CAMSAP1: variants seen among roughly 807,000 people sequenced by gnomAD.
The protein encoded by CAMSAP1 is calmodulin-regulated spectrin-associated protein 1.
Under a neutral mutation model 143.5 loss-of-function variants are expected in CAMSAP1, and 58 were observed. The ratio of observed to expected loss-of-function variants is 0.40; its 90% CI spans 0.33 to 0.50. The LOEUF (loss-of-function observed/expected upper bound fraction) is 0.50. Among genes scored for constraint, CAMSAP1 ranks in the 20% least tolerant of loss-of-function variants. CAMSAP1 has a pLI of 0.45. For synonymous variants in CAMSAP1, 945 were observed against 859.3 expected (o/e 1.10, Z -1.74); for missense variants, 1,969 against 2,115.7 (o/e 0.93, Z 1.36).
intron 10 of CAMSAP1, 23 bp downstream of exon 10, chr9:135,823,927 A>T: frequency 6.4e-7 from 1 of 1,552,788 alleles, no homozygotes; most frequent in South Asian, 1.2e-5. Flanking sequence ...CCAAACAGAA[A>T]CACTGCTGAA....
chr9:135,836,774 T>A (rs956563893), intron 7 of CAMSAP1: 2 of 982,728 alleles, frequency 2.0e-6, no homozygotes, highest in African/African-American at 3.6e-5. Flanking sequence ...TTCTACCCTG[T>A]TCTACAGACA....
chr9:135,819,118 G>T lies in CAMSAP1; in HGVS notation c.3851C>A (p.Ala1284Asp). 6.2e-7 allele frequency: 1 copy of T among 1,601,996 alleles called. No individual in the cohort carries two copies. Residue 1284 changes from alanine (A) to aspartate (D), a missense_variant, in exon 12 of 17, where the codon GCC (alanine) becomes GAC (aspartate). This residue lies in a region of CAMSAP1 where 1,390 missense variants were observed against 1,420.8 expected (regional missense o/e 0.98). Coordinates refer to ENST00000389532, the MANE Select transcript of CAMSAP1 (RefSeq NM_015447.4). The stretch of plus-strand genomic sequence containing the variant: ...CAGGAGGAAGGCCGCCCGCTTCTTG[G>T]CGAGCTCATCTTCCGCTTTCTGTTC... ...KDEQKAEDEL[A>D]KKRAAFLLKQ...
chr9:135,831,766 T>TTA (rs1835869303), intron 7 of CAMSAP1, among the ~76,000 whole-genome samples: 1 of 152,062 alleles, frequency 6.6e-6, no homozygotes, highest in South Asian at 2.1e-4. Flanking sequence ...AGAGGAGATA[T>TTA]TATAATAGAT....
In CAMSAP1 at chr9:135,811,056, C is replaced by G. The variant is rs1013155005; in HGVS notation, c.*253G>C. 3.8e-6 allele frequency: 2 copies of G among 528,926 alleles called. No homozygotes were observed. Among genetic ancestry groups the G allele is most frequent in the South Asian group, 2.1e-5 (1 of 46,564 alleles). The allele number at this position is 528,926 out of a possible 1,614,324, so 32.8% of individuals were successfully genotyped here. The stretch of plus-strand genomic sequence containing the variant: ...GTGGTCAGCAGTGGCCACAGCAGTG[C>G]GAGCCACTGCAAAAGCGGCATCTAC... On this transcript the variant is annotated 3_prime_UTR_variant, in exon 17 of 17. Coordinates refer to ENST00000389532, the MANE Select transcript of CAMSAP1 (RefSeq NM_015447.4). This position sits in a 1 kb window ranked among gnomAD's most constrained non-coding sequence, Gnocchi z 4.9.
intron 1 of CAMSAP1, among the ~76,000 whole-genome samples, chr9:135,883,289 T>C (rs750325068): frequency 6.6e-6 from 1 of 152,250 alleles, no homozygotes; most frequent in Non-Finnish European, 1.5e-5. Flanking sequence ...TACTGTCTTC[T>C]GTACTTACAA....
chr9:135,885,778 G>A (rs944048881), intron 1 of CAMSAP1, among the ~76,000 whole-genome samples: 2 of 152,288 alleles, frequency 1.3e-5, no homozygotes, highest in Non-Finnish European at 2.9e-5. Context: ...AGGAAAATGA[G>A]AGTTAAAGGA....
intron 7 of CAMSAP1, among the ~76,000 whole-genome samples, chr9:135,840,875 T>C (rs1836318103): frequency 6.6e-6 from 1 of 152,196 alleles, no homozygotes; most frequent in Non-Finnish European, 1.5e-5. Context: ...TTCCCTTCAG[T>C]GCTTACACCA....
chr9:135,820,357 C>T lies in CAMSAP1; in HGVS notation c.3822+482G>A, dbSNP rs1835399965. 6.6e-6 allele frequency among the ~76,000 whole-genome samples: 1 copy of T among 152,150 alleles called. No homozygotes were observed. Among genetic ancestry groups the T allele is most frequent in the African/African-American group, 2.4e-5 (1 of 41,422 alleles). On this transcript the variant is annotated intron_variant, in intron 11 of 16. Transcript: ENST00000389532. The surrounding 1 kb of genome is among the most constrained non-coding windows in gnomAD (Gnocchi z 4.4). ...TATTAAAACAGTTCAGTTTACGCTT[C>T]CCTTCATATCTAAGGAAAAAATTAC...
At chr9:135,850,542 C>A in intron 5 of CAMSAP1, 81 bp from the exon 6 acceptor site, 4 of 1,146,438 alleles carry the variant, frequency 3.5e-6, no homozygotes, top group South Asian at 1.6e-5. Flanking sequence ...AAATGAAAAC[C>A]ATTTTACATA....
intron 3 of CAMSAP1, among the ~76,000 whole-genome samples, chr9:135,877,749 T>TGCAGTGAGCC (rs1186245643): frequency 6.6e-6 from 1 of 152,038 alleles, no homozygotes; most frequent in Non-Finnish European, 1.5e-5. Context: ...GAGGTCAGGC[T>TGCAGTGAGCC]GCAGTGAGCC....
At chr9:135,860,267 A>G (rs1313702729) in intron 5 of CAMSAP1, among the ~76,000 whole-genome samples, 1 of 150,680 alleles carries the variant, frequency 6.6e-6, no homozygotes, top group Non-Finnish European at 1.5e-5. Flanking sequence ...AAGCATCCAG[A>G]ACTCAGCAGG....
chr9:135,886,666 T>C (rs1564458710), intron 1 of CAMSAP1, among the ~76,000 whole-genome samples: 1 of 151,870 alleles, frequency 6.6e-6, no homozygotes, highest in African/African-American at 2.4e-5. Flanking sequence ...CCACATCAAG[T>C]AAGGGGGTCA....
At position 135,818,275 on chromosome 9, in the gene CAMSAP1, T is replaced by C. The variant is rs1411618765; in HGVS notation, c.4168+133A>G. The C allele has an allele frequency of 6.2e-6, 7 of 1,132,316 alleles. No homozygotes were observed. The highest frequency in any genetic ancestry group is 3.1e-5 in the South Asian group (2 of 64,738). 70.1% of individuals were successfully genotyped at this position (1,132,316 alleles called of 1,614,324 possible). ...CATCTGGTCTCAACATTGTCATCCA[T>C]GAAACGGGGATAATCATCTCCACCC... On this transcript the variant is annotated intron_variant, in intron 13 of 16. Coordinates refer to ENST00000389532, the MANE Select transcript of CAMSAP1 (RefSeq NM_015447.4). This position sits in a 1 kb window ranked among gnomAD's most constrained non-coding sequence, Gnocchi z 7.7.
At chr9:135,816,833 G>A (rs1051508794) in intron 14 of CAMSAP1, among the ~76,000 whole-genome samples, 12 of 152,186 alleles carry the variant, frequency 7.9e-5, no homozygotes, top group Non-Finnish European at 1.6e-4. Context: ...TGGAGGAAGC[G>A]GTGAGCAGGA....
chr9:135,861,956 C>CGT (rs1837210607), intron 5 of CAMSAP1, among the ~76,000 whole-genome samples: 1 of 152,218 alleles, frequency 6.6e-6, no homozygotes, highest in African/African-American at 2.4e-5. Context: ...CAACACGAAG[C>CGT]GTGTGGCAGT....
intron 4 of CAMSAP1, 178 bp downstream of exon 4, chr9:135,866,278 C>T (rs1317387836): frequency 1.8e-5 from 10 of 559,658 alleles, no homozygotes; most frequent in Non-Finnish European, 2.6e-5. Flanking sequence ...GGCAGGCTGC[C>T]GTGGTCACAT....
chr9:135,865,273 C>G (rs1837334795), intron 4 of CAMSAP1: 2 of 1,521,208 alleles, frequency 1.3e-6, no homozygotes, highest in African/African-American at 1.4e-5. Flanking sequence ...TTAATGGAAG[C>G]AAGTGATCGC....
At chr9:135,816,142 G>T (rs992706148) in intron 14 of CAMSAP1, 137 bp from the exon 15 acceptor site, 30 of 701,762 alleles carry the variant, frequency 4.3e-5, no homozygotes, top group Non-Finnish European at 7.0e-5. Context: ...GTGGGGGCTC[G>T]AGTTGCCACA....
intron 7 of CAMSAP1, among the ~76,000 whole-genome samples, chr9:135,833,320 A>G (rs1835915357): frequency 6.6e-6 from 1 of 152,096 alleles, no homozygotes; most frequent in African/African-American, 2.4e-5. Flanking sequence ...TGACCTCGTG[A>G]TCCGCCCGCC....
Sources: allele counts gnomAD v4.1 joint callset (sites outside exome capture counted in the v4.1 genomes callset), GRCh38; gene constraint gnomAD v4.1.1; regional missense constraint gnomAD v4.1.1; non-coding constraint Gnocchi (gnomAD v3.1); transcripts MANE v1.5; gene names NCBI Gene and HGNC (gene_info 2026-07-23, HGNC 2026-07-21).